PAGE2B: variants seen among roughly 807,000 people sequenced by gnomAD.
The protein encoded by PAGE2B is putative G antigen family E member 3.
PAGE2B carries 5 observed loss-of-function variants against 7.6 expected under a neutral mutation model. The ratio of observed to expected loss-of-function variants is 0.66; its 90% CI spans 0.34 to 1.38. The LOEUF (loss-of-function observed/expected upper bound fraction) is 1.38. Among genes scored for constraint, PAGE2B ranks in the 40% most tolerant of loss-of-function variants. PAGE2B has a pLI of 0.04. For missense variants in PAGE2B, 70 were observed against 78.4 expected, an observed-to-expected ratio of 0.89 and a Z score of 0.41; for synonymous variants, 29 against 26.7, an observed-to-expected ratio of 1.09 and a Z score of -0.27.
At chrX:55,074,222 A>T (rs1015519720), upstream of PAGE2B, among the ~76,000 whole-genome samples, 2 of 111,768 alleles carry the variant, frequency 1.8e-5, no homozygotes, top group Non-Finnish European at 3.8e-5. Flanking sequence ...CATGTAATAT[A>T]AAAATAATAA....
the PAGE2B span, among the ~76,000 whole-genome samples, chrX:55,036,962 A>G: frequency 9.0e-6 from 1 of 110,777 alleles, no homozygotes; most frequent in Non-Finnish European, 1.9e-5. Flanking sequence ...AAGAAAACCT[A>G]GGCAATACCA....
chrX:55,045,541 A>G, the PAGE2B span, among the ~76,000 whole-genome samples: 2 of 111,463 alleles, frequency 1.8e-5, no homozygotes, highest in African/African-American at 6.5e-5. Flanking sequence ...AAATAGGTAT[A>G]TGTGGTAATT....
chrX:55,060,952 C>A, the PAGE2B span, among the ~76,000 whole-genome samples: 5 of 110,498 alleles, frequency 4.5e-5, no homozygotes, highest in Non-Finnish European at 9.5e-5. Flanking sequence ...GCAATGAACA[C>A]AAGGAAACTC....
chrX:55,077,525 G>T lies in PAGE2B; in HGVS notation c.319+1G>T, dbSNP rs1158906054. 1 of 1,210,214 alleles carries T rather than the reference G, an allele frequency of 8.3e-7. No individual in the cohort carries two copies. Among genetic ancestry groups the T allele is most frequent in the East Asian group, 3.0e-5 (1 of 33,811 alleles). On this transcript the variant is annotated splice_donor_variant, in intron 4 of 4. Transcript: ENST00000374971. LOFTEE classifies it high-confidence loss of function. ...GATCTCACTAAAGTGCTGGAAGCAGGTTTGTTATTCATTTAAGATGCAAAC... is the reference window on the plus strand; with the variant it reads ...GATCTCACTAAAGTGCTGGAAGCAGTTTTGTTATTCATTTAAGATGCAAAC...
chrX:55,030,537 G>A, the PAGE2B span, among the ~76,000 whole-genome samples: 4 of 111,219 alleles, frequency 3.6e-5, no homozygotes, highest in African/African-American at 1.3e-4. Context: ...TTAAGCCATC[G>A]TTCTTGATAG....
chrX:55,067,969 T>C, the PAGE2B span, among the ~76,000 whole-genome samples: 1 of 112,503 alleles, frequency 8.9e-6, no homozygotes, highest in South Asian at 3.6e-4. Flanking sequence ...CTTTGTCAGA[T>C]GGATAGATTG....
the PAGE2B span, among the ~76,000 whole-genome samples, chrX:55,051,097 G>A: frequency 5.4e-5 from 6 of 111,337 alleles, no homozygotes; most frequent in South Asian, 3.8e-4. Flanking sequence ...TGAAATTCTG[G>A]ATTGAAAATT....
At chrX:55,030,386 C>T in the PAGE2B span, among the ~76,000 whole-genome samples, 214 of 111,613 alleles carry the variant, frequency 1.9e-3, no homozygotes, top group African/African-American at 6.8e-3. Context: ...CCCATCACCC[C>T]CACATCCTCT....
chrX:55,042,319 T>C, the PAGE2B span, among the ~76,000 whole-genome samples: 1 of 109,460 alleles, frequency 9.1e-6, no homozygotes. Context: ...TTGCAAAAAA[T>C]AAAATAAAAT....
At chrX:55,040,571 T>C in the PAGE2B span, among the ~76,000 whole-genome samples, 4 of 111,603 alleles carry the variant, frequency 3.6e-5, no homozygotes, top group Non-Finnish European at 5.6e-5. Flanking sequence ...ATGAACATTG[T>C]ATGATTCCAC....
rs1423626987 is a variant in PAGE2B at position 55,075,980 on chromosome X, A to G, written c.-8-54A>G. On this transcript the variant is annotated intron_variant, in intron 1 of 4. Transcript: ENST00000374971. Reference sequence around the variant, plus strand: ...CACCATTTTGCCATGGAATGTTCATATATATAGCTAAGTTCTTATACACTT... The same window carrying G: ...CACCATTTTGCCATGGAATGTTCATGTATATAGCTAAGTTCTTATACACTT... 30 of 1,063,870 alleles carry G rather than the reference A, an allele frequency of 2.8e-5. No homozygotes were observed. In the East Asian group the frequency reaches 5.5e-4, roughly 20 times the overall value. The allele number at this position is 1,063,870 out of a possible 1,213,427, so 87.7% of individuals were successfully genotyped here.
the PAGE2B span, among the ~76,000 whole-genome samples, chrX:55,059,785 G>A: frequency 5.4e-5 from 6 of 110,834 alleles, no homozygotes; most frequent in Non-Finnish European, 9.5e-5. Context: ...ACAACCTCCT[G>A]CCAACCCCTG....
chrX:55,076,775 G>A (rs1484101388), intron 3 of PAGE2B, 98 bp downstream of exon 3: 7 of 630,245 alleles, frequency 1.1e-5, no homozygotes, highest in South Asian at 3.3e-5. Flanking sequence ...GAAAGCATTA[G>A]GAAGGAATCT....
upstream of PAGE2B, among the ~76,000 whole-genome samples, chrX:55,072,720 A>G (rs902375081): frequency 3.6e-5 from 4 of 112,488 alleles, no homozygotes; most frequent in Non-Finnish European, 5.6e-5. Flanking sequence ...AGTTTCATCT[A>G]TATGCCCCTG....
chrX:55,053,978 G>A, the PAGE2B span, among the ~76,000 whole-genome samples: 27 of 111,914 alleles, frequency 2.4e-4, no homozygotes, highest in African/African-American at 8.8e-4. Flanking sequence ...CACTTTGGGA[G>A]GCCAAGGCAG....
the PAGE2B span, among the ~76,000 whole-genome samples, chrX:55,065,193 A>G: frequency 4.5e-5 from 5 of 111,512 alleles, no homozygotes; most frequent in African/African-American, 1.6e-4. Context: ...CTCTTTCTTT[A>G]GCGCTAACAA....
chrX:55,033,535 G>A, the PAGE2B span, among the ~76,000 whole-genome samples: 8 of 111,643 alleles, frequency 7.2e-5, no homozygotes, highest in Middle Eastern at 4.7e-3. Flanking sequence ...CTCATGTAGC[G>A]TGTCCAAAGG....
upstream of PAGE2B, among the ~76,000 whole-genome samples, chrX:55,073,429 T>C (rs186856826): frequency 2.3e-4 from 26 of 111,061 alleles, no homozygotes; most frequent in East Asian, 7.4e-3. Flanking sequence ...GGTACCTCAG[T>C]TGGAAATGCA....
the PAGE2B span, among the ~76,000 whole-genome samples, chrX:55,050,325 C>T: frequency 1.1e-4 from 12 of 110,884 alleles, no homozygotes; most frequent in African/African-American, 1.6e-4. Flanking sequence ...CTATTAGGTC[C>T]GCTTGGTGCA....
Sources: gnomAD v4.1 joint callset for allele counts (sites outside exome capture counted in the v4.1 genomes callset) on GRCh38, gnomAD v4.1.1 for gene constraint, MANE v1.5 for transcripts, NCBI Gene and HGNC (gene_info 2026-07-23, HGNC 2026-07-21) for gene names.